Variants in PRDM5 observed in about 807,000 individuals in gnomAD.
PRDM5 encodes PR domain zinc finger protein 5.
PRDM5 carries 56 observed loss-of-function variants against 81.2 expected under a neutral mutation model. The ratio of observed to expected loss-of-function variants is 0.69; its 90% CI spans 0.56 to 0.86. The LOEUF (loss-of-function observed/expected upper bound fraction) is 0.86, where lower values mean the gene tolerates loss of function less well. PRDM5 is among the 40% of genes least tolerant of loss of function. The pLI, the probability that PRDM5 is intolerant of heterozygous loss-of-function variation, is 0.00. For missense variants in PRDM5, 697 were observed against 770.1 expected, an observed-to-expected ratio of 0.91 and a Z score of 1.12; for synonymous variants, 267 against 256.4, an observed-to-expected ratio of 1.04 and a Z score of -0.39.
chr4:120,891,149 T>C (rs557490104), intron 2 of PRDM5, among the ~76,000 whole-genome samples: 11 of 152,346 alleles, frequency 7.2e-5, no homozygotes, highest in Admixed American at 2.6e-4. Context: ...TGATTGTGAA[T>C]CCATCTGGTC....
intron 2 of PRDM5, chr4:120,885,427 T>C (rs1477549059): frequency 6.6e-6 from 1 of 152,172 alleles, no homozygotes; most frequent in African/African-American, 2.4e-5. Context: ...TTATTTGACA[T>C]AATGTCCTTC....
intron 14 of PRDM5, among the ~76,000 whole-genome samples, chr4:120,735,069 G>A (rs2149094085): frequency 6.6e-6 from 1 of 152,278 alleles, no homozygotes; most frequent in South Asian, 2.1e-4. Context: ...TAACACATTG[G>A]TCAAAGAAAG....
chr4:120,802,329 C>G (rs542700634), intron 8 of PRDM5, among the ~76,000 whole-genome samples: 2 of 152,188 alleles, frequency 1.3e-5, no homozygotes. Context: ...GTGTGAGCGA[C>G]GCAGAAGATG....
intron 14 of PRDM5, among the ~76,000 whole-genome samples, chr4:120,723,232 T>C (rs187859629): frequency 2.6e-5 from 4 of 152,210 alleles, no homozygotes; most frequent in African/African-American, 9.6e-5. Context: ...ACTCTAAAAA[T>C]GGGAATGAGT....
At chr4:120,861,061 G>A (rs1050531266) in intron 2 of PRDM5, among the ~76,000 whole-genome samples, 13 of 152,320 alleles carry the variant, frequency 8.5e-5, no homozygotes, top group Middle Eastern at 6.8e-3. Flanking sequence ...AGGCTGGAGT[G>A]CAGAGGTGCA....
At chr4:120,810,944 T>C (rs1488266237) in intron 8 of PRDM5, among the ~76,000 whole-genome samples, 2 of 152,184 alleles carry the variant, frequency 1.3e-5, no homozygotes, top group Non-Finnish European at 2.9e-5. Flanking sequence ...AATTACTTTG[T>C]AATACATCTA....
intron 1 of PRDM5, among the ~76,000 whole-genome samples, chr4:120,920,401 G>A (rs1724749490): frequency 6.6e-6 from 1 of 152,204 alleles, no homozygotes; most frequent in Non-Finnish European, 1.5e-5. Flanking sequence ...TAATGTAGCT[G>A]CTGATAAATC....
rs539968268 is a variant in PRDM5, at chr4:120,806,183, T to A, written c.945+5187A>T. Among the ~76,000 whole-genome samples, 7 of 152,242 alleles carry A rather than the reference T, an allele frequency of 4.6e-5. No individual in the cohort carries two copies. The South Asian group carries it at 1.5e-3, about 32-fold the overall frequency. On this transcript the variant is annotated intron_variant, in intron 8 of 15. Coordinates refer to ENST00000264808, the MANE Select transcript of PRDM5 (RefSeq NM_018699.4). Reference sequence around the variant, plus strand: ...TTCAAGGAGAAGCACAAACCACTGCTCAGTGAAATAAAAGAGGACACAAAC... The same window carrying A: ...TTCAAGGAGAAGCACAAACCACTGCACAGTGAAATAAAAGAGGACACAAAC...
chr4:120,828,373 A>C (rs1578898816), intron 3 of PRDM5, among the ~76,000 whole-genome samples: 1 of 152,172 alleles, frequency 6.6e-6, no homozygotes, highest in East Asian at 1.9e-4. Flanking sequence ...CCTGCATTTT[A>C]CATATGGGAA....
At chr4:120,876,314 T>C (rs973854866) in intron 2 of PRDM5, among the ~76,000 whole-genome samples, 1 of 152,238 alleles carries the variant, frequency 6.6e-6, no homozygotes, top group Non-Finnish European at 1.5e-5. Context: ...AAGAAAACTT[T>C]AGGTCTTTTT....
Position 120,875,082 on chromosome 4 carries a change from C to A in PRDM5, c.178-21542G>T, listed in dbSNP as rs557213378. Among the ~76,000 whole-genome samples the A allele has an allele frequency of 2.7e-4, 41 of 152,286 alleles. No homozygotes were observed. In the South Asian group the frequency reaches 6.8e-3, roughly 25 times the overall value. On this transcript the variant is annotated intron_variant, in intron 2 of 15. Transcript: ENST00000264808. ...GAGTGTTCCCCACCTGTGGTGATGT[C>A]AAGAAGGCCTGGCCTGGCCCTCCCT...
chr4:120,760,631 A>G (rs1471089466), intron 13 of PRDM5, among the ~76,000 whole-genome samples: 1 of 152,198 alleles, frequency 6.6e-6, no homozygotes, highest in Non-Finnish European at 1.5e-5. Context: ...TTTGAACAAC[A>G]CATCAAGGAA....
chr4:120,844,050 G>A (rs147199843), intron 3 of PRDM5, among the ~76,000 whole-genome samples: 2,012 of 152,182 alleles, frequency 0.013, 33 homozygotes, highest in Middle Eastern at 0.058. Flanking sequence ...AGGCCGCTGC[G>A]GCCACTGTGG....
intron 13 of PRDM5, among the ~76,000 whole-genome samples, chr4:120,767,312 G>A (rs1183494185): frequency 6.6e-6 from 1 of 152,100 alleles, no homozygotes; most frequent in Non-Finnish European, 1.5e-5. Flanking sequence ...TGCCTTTAAT[G>A]TTCCATAAAA....
At chr4:120,753,012 CA>C (rs1744225445) in intron 14 of PRDM5, among the ~76,000 whole-genome samples, 1 of 151,986 alleles carries the variant, frequency 6.6e-6, no homozygotes, top group Admixed American at 6.6e-5. Flanking sequence ...TGAGAAAACC[CA>C]AAAGATATTT....
At chr4:120,834,133 T>C (rs753159610) in intron 3 of PRDM5, among the ~76,000 whole-genome samples, 12 of 152,262 alleles carry the variant, frequency 7.9e-5, no homozygotes, top group Non-Finnish European at 1.5e-4. Context: ...AGATTAAACA[T>C]GGCCTATGGA....
At chr4:120,728,102 C>A (rs1739709251) in intron 14 of PRDM5, among the ~76,000 whole-genome samples, 1 of 152,020 alleles carries the variant, frequency 6.6e-6, no homozygotes, top group African/African-American at 2.4e-5. Context: ...CTTCCGGTCT[C>A]ATTGCCAGTC....
At chr4:120,819,276 C>T (rs1754952629) in intron 4 of PRDM5, among the ~76,000 whole-genome samples, 1 of 152,164 alleles carries the variant, frequency 6.6e-6, no homozygotes, top group Non-Finnish European at 1.5e-5. Context: ...AACATCTTCT[C>T]AAGTCAAATG....
At chr4:120,879,536 C>T (rs538496373) in intron 2 of PRDM5, among the ~76,000 whole-genome samples, 57 of 152,212 alleles carry the variant, frequency 3.7e-4, no homozygotes, top group Non-Finnish European at 6.8e-4. Context: ...TCCACTTGCA[C>T]GTATTAGATA....
Sources: gnomAD v4.1 joint callset for allele counts (sites outside exome capture counted in the v4.1 genomes callset) on GRCh38, gnomAD v4.1.1 for gene constraint, MANE v1.5 for transcripts, NCBI Gene and HGNC (gene_info 2026-07-23, HGNC 2026-07-21) for gene names.